The following CNDP2 variants were observed in gnomAD, a reference collection of about 807,000 sequenced individuals.
CNDP2 encodes the protein carnosine dipeptidase 2, also known as cytosolic non-specific dipeptidase.
In CNDP2, 38 loss-of-function variants were observed where a neutral mutation model predicts 55.0. The ratio of observed to expected loss-of-function variants is 0.69; its 90% CI spans 0.53 to 0.90. The LOEUF (loss-of-function observed/expected upper bound fraction) is 0.90. Among genes scored for constraint, CNDP2 ranks in the 40% least tolerant of loss-of-function variants. The probability of loss-of-function intolerance (pLI) is 0.00; values close to 1 mark genes in which losing one functional copy is unlikely to be tolerated. For missense variants in CNDP2, 607 were observed against 621.7 expected (o/e 0.98, Z 0.25); for synonymous variants, 241 against 260.2 (o/e 0.93, Z 0.71).
At chr18:74,516,084 C>T in intron 8 of CNDP2, 144 bp from the exon 9 acceptor site, 1 of 840,596 alleles carries the variant, frequency 1.2e-6, no homozygotes, top group Non-Finnish European at 1.9e-6. Context: ...TGCACCTGGA[C>T]CTCCTGCCTG....
At position 74,521,663 on chromosome 18, in the gene CNDP2, AT is replaced by A. The variant is rs1451058629; in HGVS notation, c.*1596del. ...GGAATAAACAACAATCCATGAGTCCATACTAATATAAATAAAGTGACAAAGT... is the reference window on the plus strand; with the variant it reads ...GGAATAAACAACAATCCATGAGTCCAACTAATATAAATAAAGTGACAAAGT... On this transcript the variant is annotated 3_prime_UTR_variant, in exon 12 of 12. Transcript: ENST00000324262. 1 of 152,240 alleles carries A rather than the reference AT, an allele frequency of 6.6e-6. No homozygotes were observed. Among genetic ancestry groups the A allele is most frequent in the Non-Finnish European group, 1.5e-5 (1 of 68,050 alleles). The allele number at this position is 152,240 out of a possible 1,614,324, so 9.4% of individuals were successfully genotyped here.
chr18:74,520,262 G>C lies in CNDP2; in HGVS notation c.*194G>C, dbSNP rs1429174420. On this transcript the variant is annotated 3_prime_UTR_variant, in exon 12 of 12. Transcript: ENST00000324262. ...TACCCGTTGGGCTTATGAGTGACCTGGAGTGACAGCTGAGTCACCCTGGGT... is the reference window on the plus strand; with the variant it reads ...TACCCGTTGGGCTTATGAGTGACCTCGAGTGACAGCTGAGTCACCCTGGGT... The C allele has an allele frequency of 1.7e-6, 1 of 572,014 alleles. No individual in the cohort carries two copies. The highest frequency in any genetic ancestry group is 1.9e-5 in the African/African-American group (1 of 52,978). 35.4% of individuals were successfully genotyped at this position (572,014 alleles called of 1,614,324 possible).
Position 74,512,552 on chromosome 18 carries a change from C to A in CNDP2, c.742+20C>A. 2 of 1,608,236 alleles carry A rather than the reference C, an allele frequency of 1.2e-6. No homozygotes were observed. Among genetic ancestry groups the A allele is most frequent in the Non-Finnish European group, 1.7e-6 (2 of 1,175,318 alleles). On this transcript the variant is annotated intron_variant, in intron 7 of 11. Transcript: ENST00000324262. ...TGATGGGTAAGTGCGGGATGGCATT[C>A]AGTCCGCAGTTGAGGGGAAGTGGAT...
intron 9 of CNDP2, 126 bp from the exon 10 acceptor site, chr18:74,518,371 TCA>T (rs1287928503): frequency 1.0e-6 from 1 of 971,806 alleles, no homozygotes; most frequent in African/African-American, 1.6e-5. Context: ...CATAGACCCA[TCA>T]CAGACCTGTC....
intron 3 of CNDP2, 125 bp from the exon 4 acceptor site, chr18:74,505,724 C>A (rs1568278563): frequency 1.6e-5 from 16 of 1,028,490 alleles, no homozygotes; most frequent in Non-Finnish European, 1.8e-5. Context: ...TGCTCTTAAA[C>A]TCTACAATAG....
chr18:74,518,893 A>T lies in CNDP2; in HGVS notation c.1211-56A>T, dbSNP rs1599074254. On this transcript the variant is annotated intron_variant, in intron 10 of 11. Transcript: ENST00000324262. ...GCTACTGAGTAGTGGTCTGAGACAG[A>T]TCCCCAGCCTTAGGGCCCCAAAGCT... 16 of 1,608,174 alleles carry T rather than the reference A, an allele frequency of 9.9e-6. No individual in the cohort carries two copies. The East Asian group carries it at 3.6e-4, about 36-fold the overall frequency.
chr18:74,508,602 C>A, intron 4 of CNDP2: 1 of 475,604 alleles, frequency 2.1e-6, no homozygotes, highest in Non-Finnish European at 3.8e-6. Context: ...ACCACCGTGA[C>A]CACGGTGGGA....
intron 5 of CNDP2, 37 bp from the exon 6 acceptor site, chr18:74,510,776 A>G (rs1979300681): frequency 6.4e-7 from 1 of 1,572,686 alleles, no homozygotes; most frequent in African/African-American, 1.4e-5. Flanking sequence ...AAGGTTCGCA[A>G]AGCTGAATAT....
Position 74,519,981 on chromosome 18 carries a change from T to C in CNDP2, c.1359-18T>C. ...CTCACGACACCAGCCAACACAATGA[T>C]GTGTTCCTCTCTACCAGGTATAACT... On this transcript the variant is annotated intron_variant, in intron 11 of 11. Coordinates refer to ENST00000324262, the MANE Select transcript of CNDP2 (RefSeq NM_018235.3). The C allele has an allele frequency of 6.2e-7, 1 of 1,612,628 alleles. No individual in the cohort carries two copies. The highest frequency in any genetic ancestry group is 8.5e-7 in the Non-Finnish European group (1 of 1,179,150).
chr18:74,512,581 C>A, intron 7 of CNDP2, 49 bp downstream of exon 7: 1 of 1,491,214 alleles, frequency 6.7e-7, no homozygotes, highest in Non-Finnish European at 9.3e-7. Context: ...AGTGGATGGG[C>A]GTGACTTCCA....
chr18:74,513,648 G>T lies in CNDP2; in HGVS notation c.832G>T (p.Asp278Tyr). 6.2e-7 allele frequency: 1 copy of T among 1,614,106 alleles called. No individual in the cohort carries two copies. Among genetic ancestry groups the T allele is most frequent in the Non-Finnish European group, 8.5e-7 (1 of 1,180,028 alleles). Residue 278 changes from aspartate to tyrosine, a missense_variant, in exon 8 of 12, where the codon GAC (aspartate) becomes TAC (tyrosine). Transcript: ENST00000324262. ...CACGGAAGAGGAGCACAAGCTGTAC[G>T]ACGACATCGACTTTGACATAGAGGA... The part of the protein sequence containing the change: ...AVTEEEHKLY[D>Y]DIDFDIEEFA...
chr18:74,507,423 C>T (rs147953881), intron 4 of CNDP2: 2 of 153,092 alleles, frequency 1.3e-5, no homozygotes, highest in Non-Finnish European at 2.9e-5. Context: ...CTCTCCACTT[C>T]TGGGCCTTCA....
In CNDP2 at chr18:74,510,726, A is replaced by G. The variant is rs561182937; in HGVS notation, c.457-87A>G. 46 of 1,157,734 alleles carry G rather than the reference A, an allele frequency of 4.0e-5. No homozygotes were observed. The East Asian group carries it at 1.1e-3, about 27-fold the overall frequency. The allele number at this position is 1,157,734 out of a possible 1,614,324, so 71.7% of individuals were successfully genotyped here. A position where few individuals can be genotyped will look rare whatever the true frequency, so the allele number is the denominator to read the frequency against. On this transcript the variant is annotated intron_variant, in intron 5 of 11. Transcript: ENST00000324262. ...ATGTGGTCTGTCTGGAGAATGCCGG[A>G]GATGTGAAATATGTAATCCTGAGTG...
intron 9 of CNDP2, chr18:74,517,881 A>G (rs1979777186): frequency 6.6e-6 from 1 of 152,270 alleles, no homozygotes; most frequent in Non-Finnish European, 1.5e-5. Flanking sequence ...TAATTTAAAT[A>G]GTATCATCAT....
In CNDP2 at chr18:74,515,642, C is replaced by T. The variant is rs577424718; in HGVS notation, c.904-586C>T. On this transcript the variant is annotated intron_variant, in intron 8 of 11. Coordinates refer to ENST00000324262, the MANE Select transcript of CNDP2 (RefSeq NM_018235.3). Reference sequence around the variant, plus strand: ...TCTGCTACTGCAGGGATGCAGGGGGCGGGGGCAGGCAGGAAGGTCATGATA... The same window carrying T: ...TCTGCTACTGCAGGGATGCAGGGGGTGGGGGCAGGCAGGAAGGTCATGATA... 9.9e-5 allele frequency among the ~76,000 whole-genome samples: 15 copies of T among 152,198 alleles called. No individual in the cohort carries two copies. In the East Asian group the frequency reaches 1.4e-3, roughly 14 times the overall value.
At chr18:74,519,944 C>G (rs1979954774) in intron 11 of CNDP2, 55 bp from the exon 12 acceptor site, 2 of 1,541,702 alleles carry the variant, frequency 1.3e-6, no homozygotes, top group African/African-American at 1.4e-5. Flanking sequence ...TCACCCCACA[C>G]CTGGGTGTTG....
At chr18:74,518,702 G>C in intron 10 of CNDP2, 62 bp downstream of exon 10, 1 of 1,605,080 alleles carries the variant, frequency 6.2e-7, no homozygotes, top group East Asian at 2.2e-5. Flanking sequence ...ACAGGACTCT[G>C]CTATATCGCG....
In CNDP2 at chr18:74,518,945, C is replaced by G; in HGVS notation, c.1211-4C>G. The G allele has an allele frequency of 6.2e-7, 1 of 1,613,902 alleles. No individual in the cohort carries two copies. Among genetic ancestry groups the G allele is most frequent in the South Asian group, 1.1e-5 (1 of 91,048 alleles). On this transcript the variant is annotated splice_region_variant and splice_polypyrimidine_tract_variant and intron_variant, in intron 10 of 11. Transcript: ENST00000324262. ...ACCGTTTATTTTATTTCATTTCCCC[C>G]CAGTTTTTGGTGTTGAGCCAGACTT...
chr18:74,511,180 G>T lies in CNDP2; in HGVS notation c.657+167G>T, dbSNP rs561643002. On this transcript the variant is annotated intron_variant, in intron 6 of 11. Coordinates refer to ENST00000324262, the MANE Select transcript of CNDP2 (RefSeq NM_018235.3). ...TTCCATAAACCACCGTCCTACACCA[G>T]GGTGGACAGCAACACTTCCAGTGAT... 81 of 606,946 alleles carry T rather than the reference G, an allele frequency of 1.3e-4. 1 individual carries two copies. Among genetic ancestry groups the T allele is most frequent in the African/African-American group, 1.1e-3 (61 of 54,066 alleles). The allele number at this position is 606,946 out of a possible 1,614,324, so 37.6% of individuals were successfully genotyped here.
Sources: gnomAD v4.1 joint callset for allele counts (sites outside exome capture counted in the v4.1 genomes callset) on GRCh38, gnomAD v4.1.1 for gene constraint, MANE v1.5 for transcripts, NCBI Gene and HGNC (gene_info 2026-07-23, HGNC 2026-07-21) for gene names.